Variants in NAALADL2 observed in about 807,000 individuals in gnomAD.
The protein encoded by NAALADL2 is inactive N-acetylated-alpha-linked acidic dipeptidase-like protein 2.
Under a neutral mutation model 87.2 loss-of-function variants are expected in NAALADL2, and 76 were observed. The ratio of observed to expected loss-of-function variants is 0.87; its 90% confidence interval spans 0.72 to 1.05. The LOEUF is 1.05. Ranked by LOEUF, NAALADL2 falls within the 50% of genes least tolerant of loss-of-function variation. NAALADL2 has a pLI of 0.00. For missense variants in NAALADL2, 1,089 were observed against 945.8 expected (o/e 1.15, Z -1.99); for synonymous variants, 354 against 331.0 (o/e 1.07, Z -0.75).
chr3:174,771,789 A>G (rs497998), intron 3 of NAALADL2, among the ~76,000 whole-genome samples: 80,315 of 151,934 alleles, frequency 0.53, 21,614 homozygotes, highest in Middle Eastern at 0.64. Flanking sequence ...AGGTAATCAA[A>G]CTCTGATGGA....
At chr3:175,331,495 A>G (rs2060601879) in intron 5 of NAALADL2, among the ~76,000 whole-genome samples, 1 of 152,240 alleles carries the variant, frequency 6.6e-6, no homozygotes, top group Non-Finnish European at 1.5e-5. Context: ...AAACACTGAT[A>G]AAACGAAAGA....
rs1460900676 is a variant in NAALADL2, at chr3:175,756,167, A to G, written c.2189+749A>G. On this transcript the variant is annotated intron_variant, in intron 13 of 13. Transcript: ENST00000454872. ...GATTATTATTAAAAAGTGAAAAAAT[A>G]ACAGATGGAGAGAAAGCAGAGAAAA... 1.4e-4 allele frequency among the ~76,000 whole-genome samples: 22 copies of G among 152,192 alleles called. 1 individual carries two copies.
chr3:174,984,162 C>G (rs1695296820), intron 1 of NAALADL2, among the ~76,000 whole-genome samples: 1 of 152,046 alleles, frequency 6.6e-6, no homozygotes, highest in South Asian at 2.1e-4. Flanking sequence ...ACTCTGTAAA[C>G]AAATAAATTA....
chr3:175,727,567 C>T (rs896235562), intron 11 of NAALADL2, among the ~76,000 whole-genome samples: 1 of 152,142 alleles, frequency 6.6e-6, no homozygotes, highest in Non-Finnish European at 1.5e-5. Context: ...CTTTGGAAAT[C>T]CTTTGCTAAA....
intron 4 of NAALADL2, among the ~76,000 whole-genome samples, chr3:175,302,916 GA>G (rs1394860212): frequency 6.6e-6 from 1 of 151,606 alleles, no homozygotes; most frequent in Non-Finnish European, 1.5e-5. Flanking sequence ...GAGGATATAT[GA>G]AAATTAAAGG....
chr3:174,963,032 T>A (rs1486381659), intron 1 of NAALADL2, among the ~76,000 whole-genome samples: 1 of 152,184 alleles, frequency 6.6e-6, no homozygotes, highest in East Asian at 1.9e-4. Flanking sequence ...GTGGCCTTGT[T>A]ACTTTTTATT....
At chr3:175,429,993 C>A (rs1434018391) in intron 5 of NAALADL2, among the ~76,000 whole-genome samples, 2 of 151,720 alleles carry the variant, frequency 1.3e-5, no homozygotes, top group Non-Finnish European at 1.5e-5. Context: ...TACAGGGAAA[C>A]AAAATGTGGG....
chr3:175,674,705 A>C (rs1734523151), intron 11 of NAALADL2, among the ~76,000 whole-genome samples: 1 of 152,160 alleles, frequency 6.6e-6, no homozygotes, highest in South Asian at 2.1e-4. Context: ...TATGTTTAAA[A>C]ATGAGGATCA....
chr3:175,416,492 T>C (rs1363416708), intron 5 of NAALADL2, among the ~76,000 whole-genome samples: 1 of 152,178 alleles, frequency 6.6e-6, no homozygotes, highest in Non-Finnish European at 1.5e-5. Flanking sequence ...TTTAGTAACT[T>C]TGAATTGTGT....
intron 2 of NAALADL2, among the ~76,000 whole-genome samples, chr3:174,697,292 C>T (rs1433871182): frequency 6.6e-6 from 1 of 152,124 alleles, no homozygotes; most frequent in African/African-American, 2.4e-5. Context: ...AAAACAAGCA[C>T]TTACATGGAG....
intron 2 of NAALADL2, among the ~76,000 whole-genome samples, chr3:174,579,375 A>G (rs980255792): frequency 5.3e-5 from 8 of 152,040 alleles, no homozygotes; most frequent in African/African-American, 1.9e-4. Context: ...TACCCCTCAG[A>G]AATAAAAATA....
chr3:174,547,759 A>G (rs1018789193), intron 1 of NAALADL2, among the ~76,000 whole-genome samples: 3 of 152,134 alleles, frequency 2.0e-5, no homozygotes, highest in Non-Finnish European at 4.4e-5. Context: ...ATTGGGACAT[A>G]GTTTGGTGAG....
At chr3:175,556,797 T>C (rs1026904193) in intron 9 of NAALADL2, among the ~76,000 whole-genome samples, 1 of 152,246 alleles carries the variant, frequency 6.6e-6, no homozygotes, top group African/African-American at 2.4e-5. Context: ...ATTTCTCTAA[T>C]CTCTTATCCC....
Position 174,787,596 on chromosome 3 carries a change from T to C in NAALADL2, c.-9+49850T>C, listed in dbSNP as rs184524267. Among the ~76,000 whole-genome samples the C allele has an allele frequency of 9.1e-4, 60 of 65,782 alleles. 1 individual carries two copies. The highest frequency in any genetic ancestry group is 1.5e-3 in the Admixed American group (10 of 6,634). The allele number at this position is 65,782 out of a possible 152,430, so 43.2% of individuals were successfully genotyped here. ...ATCATCATATATATATATATATATA[T>C]ATATATATATATATATATATATATA... On this transcript the variant is annotated intron_variant, in intron 3 of 3. Transcript: ENST00000434257.
chr3:175,670,229 T>G (rs1190636811), intron 11 of NAALADL2, among the ~76,000 whole-genome samples: 3 of 151,776 alleles, frequency 2.0e-5, no homozygotes, highest in African/African-American at 7.2e-5. Flanking sequence ...AGTGTCTATG[T>G]GCATAGCTAA....
intron 5 of NAALADL2, among the ~76,000 whole-genome samples, chr3:175,354,590 G>A (rs926074547): frequency 1.1e-4 from 16 of 151,924 alleles, no homozygotes; most frequent in Non-Finnish European, 1.9e-4. Context: ...TTTAAAAATC[G>A]AAAATTGATT....
intron 11 of NAALADL2, among the ~76,000 whole-genome samples, chr3:175,627,657 G>A (rs1325796855): frequency 3.3e-5 from 5 of 151,630 alleles, no homozygotes; most frequent in Non-Finnish European, 7.4e-5. Context: ...TCTTGGGCTA[G>A]CGCTGGAACT....
chr3:175,262,921 C>CT (rs1481695786), intron 4 of NAALADL2, among the ~76,000 whole-genome samples: 1 of 150,874 alleles, frequency 6.6e-6, no homozygotes, highest in Non-Finnish European at 1.5e-5. Flanking sequence ...CAAACACTAT[C>CT]TTGGTACTTT....
At chr3:174,837,541 C>A (rs879893686) in intron 3 of NAALADL2, among the ~76,000 whole-genome samples, 43 of 152,172 alleles carry the variant, frequency 2.8e-4, no homozygotes, top group Middle Eastern at 3.2e-3. Flanking sequence ...CGCCTGTAAT[C>A]CCAGCACTTT....
Sources: gnomAD v4.1 joint callset for allele counts (sites outside exome capture counted in the v4.1 genomes callset) on GRCh38, gnomAD v4.1.1 for gene constraint, MANE v1.5 for transcripts, NCBI Gene and HGNC (gene_info 2026-07-23, HGNC 2026-07-21) for gene names.